Variants in SEMA5A observed in about 807,000 individuals in gnomAD.
SEMA5A encodes the protein semaphorin 5A.
SEMA5A carries 55 observed loss-of-function variants against 135.5 expected under a neutral mutation model. The observed-to-expected ratio is 0.41, with a 90% CI of 0.33 to 0.51. The LOEUF is 0.51. SEMA5A is among the 20% of genes least tolerant of loss of function. The pLI, the probability that SEMA5A is intolerant of heterozygous loss-of-function variation, is 0.37. For synonymous variants in SEMA5A, 580 were observed against 546.5 expected (o/e 1.06, Z -0.85); for missense variants, 1,290 against 1,419.9 (o/e 0.91, Z 1.47).
At chr5:9,356,753 G>A (rs923632431) in intron 3 of SEMA5A, among the ~76,000 whole-genome samples, 2 of 152,150 alleles carry the variant, frequency 1.3e-5, no homozygotes, top group African/African-American at 4.8e-5. Context: ...TCATACCCAC[G>A]AATTAACATT....
chr5:9,192,638 TG>T (rs1199769844), intron 10 of SEMA5A, among the ~76,000 whole-genome samples: 1 of 152,172 alleles, frequency 6.6e-6, no homozygotes, highest in African/African-American at 2.4e-5. Flanking sequence ...TAGTAACATT[TG>T]GAGGTCAGAG....
At chr5:9,258,456 A>G (rs1293192744) in intron 5 of SEMA5A, among the ~76,000 whole-genome samples, 2 of 152,110 alleles carry the variant, frequency 1.3e-5, no homozygotes, top group Non-Finnish European at 2.9e-5. Context: ...TGTCTTCTCC[A>G]CTCGCAGGCT....
At chr5:9,462,924 G>A (rs191046560) in intron 1 of SEMA5A, among the ~76,000 whole-genome samples, 5 of 150,264 alleles carry the variant, frequency 3.3e-5, no homozygotes, top group Admixed American at 6.6e-5. Context: ...ATGAACCCCC[G>A]TGACATAAGT....
rs529355802 is a variant in SEMA5A at position 9,362,231 on chromosome 5, T to C, written c.124+17592A>G. ...TGCTTCTCCCATCCCTGAGCATGTTTATAAGCCCCAGCCCCCAGAGGCATT... is the reference window on the plus strand; with the variant it reads ...TGCTTCTCCCATCCCTGAGCATGTTCATAAGCCCCAGCCCCCAGAGGCATT... On this transcript the variant is annotated intron_variant, in intron 3 of 22. Transcript: ENST00000382496. Among the ~76,000 whole-genome samples the C allele has an allele frequency of 2.0e-5, 3 of 152,298 alleles. No individual in the cohort carries two copies. In the South Asian group the frequency reaches 6.2e-4, roughly 32 times the overall value.
intron 2 of SEMA5A, among the ~76,000 whole-genome samples, chr5:9,384,643 GATAGATAGATAGATAGAT>G (rs1755789057): frequency 1.1e-5 from 1 of 93,984 alleles, no homozygotes; most frequent in African/African-American, 4.2e-5. Flanking sequence ...TAGATAGATA[GATAGATAGATAGATAGAT>G]ATAGATAGAT....
chr5:9,078,589 A>G (rs1271834906), intron 16 of SEMA5A, among the ~76,000 whole-genome samples: 1 of 91,140 alleles, frequency 1.1e-5, no homozygotes, highest in Non-Finnish European at 1.9e-5. Context: ...GGGTATGTAC[A>G]CACACACACA....
chr5:9,433,340 A>G (rs540220415), intron 2 of SEMA5A, among the ~76,000 whole-genome samples: 10 of 152,334 alleles, frequency 6.6e-5, no homozygotes, highest in Admixed American at 3.3e-4. Flanking sequence ...ATTCCTAAGC[A>G]CTGATTAAAA....
intron 2 of SEMA5A, among the ~76,000 whole-genome samples, chr5:9,420,341 C>G (rs867718562): frequency 2.0e-5 from 3 of 152,098 alleles, no homozygotes; most frequent in South Asian, 2.1e-4. Flanking sequence ...TTGTCACTAC[C>G]TGTAATGCAC....
At chr5:9,278,488 C>T (rs1561100537) in intron 5 of SEMA5A, among the ~76,000 whole-genome samples, 2 of 152,192 alleles carry the variant, frequency 1.3e-5, no homozygotes, top group Non-Finnish European at 2.9e-5. Context: ...AAAATCAAGC[C>T]TGCTGCAGAA....
intron 5 of SEMA5A, among the ~76,000 whole-genome samples, chr5:9,306,279 T>C (rs917270132): frequency 5.3e-5 from 8 of 152,160 alleles, no homozygotes; most frequent in Admixed American, 1.3e-4. Flanking sequence ...GTATGTGAGT[T>C]AGAGTTTTCA....
intron 2 of SEMA5A, among the ~76,000 whole-genome samples, chr5:9,396,497 C>T (rs1467705267): frequency 6.6e-6 from 1 of 152,064 alleles, no homozygotes; most frequent in Non-Finnish European, 1.5e-5. Context: ...CCAGAGGATA[C>T]CTCTGCATAC....
chr5:9,241,086 T>C (rs1437894078), intron 5 of SEMA5A, among the ~76,000 whole-genome samples: 1 of 152,140 alleles, frequency 6.6e-6, no homozygotes, highest in African/African-American at 2.4e-5. Context: ...AGCAGACATA[T>C]AGCAGTAATA....
At chr5:9,200,490 TA>T (rs1745645897) in intron 9 of SEMA5A, among the ~76,000 whole-genome samples, 1 of 152,230 alleles carries the variant, frequency 6.6e-6, no homozygotes, top group East Asian at 1.9e-4. Context: ...CACTAGTTTT[TA>T]AACAAGGTTT....
chr5:9,287,516 C>A (rs1219502552), intron 5 of SEMA5A, among the ~76,000 whole-genome samples: 1 of 151,912 alleles, frequency 6.6e-6, no homozygotes, highest in African/African-American at 2.4e-5. Flanking sequence ...TAATCTTATC[C>A]ATTGCAAGAA....
rs1745733901 is a variant in SEMA5A, at chr5:9,201,990, C to A, written c.897G>T (p.Glu299Asp). The A allele has an allele frequency of 1.2e-6, 2 of 1,614,162 alleles. No individual in the cohort carries two copies. Among genetic ancestry groups the A allele is most frequent in the East Asian group, 4.5e-5 (2 of 44,884 alleles). ...TAAAGATGCCATAGATCAAATCCAG[C>A]TCAGGCAGGAAGAAAGTACTCTGCA... is the stretch of plus-strand genomic sequence containing the variant. ...NELQSTFFLP[E>D]LDLIYGIFTT... Residue 299 changes from glutamate to aspartate, a missense_variant, in exon 9 of 23, where the codon GAG becomes GAT. By Grantham distance (45) the Glu-to-Asp change is conservative. Around this residue, in one of 3 missense-constraint regions of SEMA5A, gnomAD observed 1,029 missense variants for 1,086.6 expected, o/e 0.95. Transcript: ENST00000382496.
intron 2 of SEMA5A, among the ~76,000 whole-genome samples, chr5:9,435,615 T>A (rs1253358356): frequency 1.3e-5 from 2 of 152,192 alleles, no homozygotes; most frequent in African/African-American, 2.4e-5. Context: ...TCATTCACTA[T>A]ACTATGAGGT....
intron 2 of SEMA5A, among the ~76,000 whole-genome samples, chr5:9,404,431 C>T (rs796610067): frequency 5.3e-5 from 8 of 152,274 alleles, no homozygotes; most frequent in Non-Finnish European, 7.3e-5. Context: ...TAACAACCTC[C>T]ACTATATATA....
chr5:9,493,436 CTG>C, intron 1 of SEMA5A, among the ~76,000 whole-genome samples: 1 of 151,876 alleles, frequency 6.6e-6, no homozygotes, highest in Non-Finnish European at 1.5e-5. Context: ...AGTTTGATCA[CTG>C]TGAGACTCCT....
In SEMA5A at chr5:9,190,369, T is replaced by C. The variant is rs1745036061; in HGVS notation, c.1171A>G (p.Thr391Ala). Residue 391 changes from threonine (T) to alanine (A), a missense_variant, in exon 11 of 23, where the codon ACA becomes GCA. This residue lies in a region of SEMA5A where 1,029 missense variants were observed against 1,086.6 expected (regional missense o/e 0.95). Coordinates refer to ENST00000382496, the MANE Select transcript of SEMA5A (RefSeq NM_003966.3). ...TTGTCCTCCATGAAGGAGGGCACTG[T>C]GGTCACTGGCTGTACCACCTCATGC... ...LMHEVVQPVT[T>A]VPSFMEDNSR... 4 of 1,614,028 alleles carry C rather than the reference T, an allele frequency of 2.5e-6. No homozygotes were observed. The highest frequency in any genetic ancestry group is 2.5e-6 in the Non-Finnish European group (3 of 1,180,010).
Sources: allele counts gnomAD v4.1 joint callset (sites outside exome capture counted in the v4.1 genomes callset), GRCh38; gene constraint gnomAD v4.1.1; regional missense constraint gnomAD v4.1.1; transcripts MANE v1.5; gene names NCBI Gene and HGNC (gene_info 2026-07-23, HGNC 2026-07-21).